Variants in ATXN7L3 observed in about 807,000 individuals in gnomAD.
ATXN7L3 encodes the protein ataxin-7-like protein 3.
ATXN7L3 carries 6 observed loss-of-function variants against 50.0 expected under a neutral mutation model. That is an observed-to-expected ratio of 0.12 (90% confidence interval 0.07 to 0.24). The LOEUF is 0.24. Among genes scored for constraint, ATXN7L3 ranks in the 10% least tolerant of loss-of-function variants. The pLI is 1.00. For synonymous variants in ATXN7L3, 198 were observed against 165.8 expected (o/e 1.19, Z -1.49); for missense variants, 322 against 451.3 (o/e 0.71, Z 2.60).
intron 9 of ATXN7L3, 136 bp from the exon 10 acceptor site, chr17:44,195,276 C>CT (rs2055841688): frequency 7.4e-7 from 1 of 1,344,020 alleles, no homozygotes; most frequent in Non-Finnish European, 1.1e-6. Flanking sequence ...TCCCAGGACA[C>CT]TATGGGCCGG....
At position 44,196,387 on chromosome 17, in the gene ATXN7L3, G is replaced by A. The variant is rs757825495; in HGVS notation, c.477+9C>T. The A allele has an allele frequency of 8.1e-6, 13 of 1,613,798 alleles. No individual in the cohort carries two copies. Among genetic ancestry groups the A allele is most frequent in the Admixed American group, 3.3e-5 (2 of 59,972 alleles). On this transcript the variant is annotated intron_variant, in intron 6 of 12. Coordinates refer to ENST00000587097, the MANE Select transcript of ATXN7L3 (RefSeq NM_001382309.1). Reference sequence around the variant, plus strand: ...CCATTATTTCCCCAATGCCTGGCCCGGCTCTCACCTTGTCTGACTTTCTCT... The same window carrying A: ...CCATTATTTCCCCAATGCCTGGCCCAGCTCTCACCTTGTCTGACTTTCTCT...
In ATXN7L3 at chr17:44,193,561, GC is replaced by G. The variant is rs1431550294; in HGVS notation, c.*701del. The G allele has an allele frequency of 6.6e-6, 1 of 152,448 alleles. No homozygotes were observed. The highest frequency in any genetic ancestry group is 1.5e-5 in the Non-Finnish European group (1 of 68,064). The allele number at this position is 152,448 out of a possible 1,614,324, so 9.4% of individuals were successfully genotyped here. On this transcript the variant is annotated 3_prime_UTR_variant, in exon 13 of 13. Coordinates refer to ENST00000587097, the MANE Select transcript of ATXN7L3 (RefSeq NM_001382309.1). ...TACCCTCCCTTTCCCATTCCTTGAA[GC>G]TGTAGAGGCTGGAGGCCCTTTCCTG...
chr17:44,194,773 G>A lies in ATXN7L3; in HGVS notation c.732C>T (p.Pro244=), dbSNP rs372309757. The A allele has an allele frequency of 3.1e-6, 5 of 1,614,158 alleles. No individual in the cohort carries two copies. Among genetic ancestry groups the A allele is most frequent in the Admixed American group, 3.3e-5 (2 of 60,018 alleles). Residue 244 remains proline (P), a synonymous_variant, in exon 11 of 13, where the codon CCC becomes CCT. Transcript: ENST00000587097. ...RRTVRIYFLG[P]SAVLPEVESS... is the part of the protein sequence containing the mutation. ...CTTCCTGTAGGGCCACTTACGCCGA[G>A]GGCCCGAGAAAATAAATCCGTACGG...
chr17:44,197,086 G>A (rs1158065236), intron 4 of ATXN7L3, 60 bp from the exon 5 acceptor site: 7 of 1,556,874 alleles, frequency 4.5e-6, no homozygotes, highest in Admixed American at 3.3e-5. Context: ...GGTCAAGGTG[G>A]TCACCCCGCT....
At position 44,195,480 on chromosome 17, in the gene ATXN7L3, T is replaced by C. The variant is rs771811837; in HGVS notation, c.560A>G (p.Asn187Ser). 57 of 1,613,768 alleles carry C rather than the reference T, an allele frequency of 3.5e-5. No individual in the cohort carries two copies. Among genetic ancestry groups the C allele is most frequent in the Middle Eastern group, 1.6e-4 (1 of 6,084 alleles). ...LSNSDPFKYN[N>S]STGISYETLG... ...GGTCTCATAGCTGATCCCAGTTGAA[T>C]TGTTATACTGCAGGACAACCAGAGG... The change falls in exon 9 of 13, where the codon AAT (asparagine) becomes AGT (serine). Residue 187 changes from asparagine to serine, a missense_variant. Transcript: ENST00000587097.
intron 10 of ATXN7L3, 25 bp downstream of exon 10, chr17:44,195,071 GC>G (rs776968649): frequency 6.8e-6 from 11 of 1,613,384 alleles, no homozygotes; most frequent in Non-Finnish European, 8.5e-6. Context: ...GAAGCGCCTG[GC>G]CCCCTTTCTA....
rs778422603 is a variant in ATXN7L3, at chr17:44,195,459, T to G, written c.581A>C (p.Glu194Ala). Reference protein sequence around the residue: ...KYNNSTGISYETLGPEELRSL... With the variant: ...KYNNSTGISYATLGPEELRSL... ...GCGAAGCTCCTCCGGCCCCAGGGTC[T>G]CATAGCTGATCCCAGTTGAATTGTT... is the stretch of plus-strand genomic sequence containing the variant. Residue 194 changes from glutamate (E) to alanine (A), a missense_variant, in exon 9 of 13, where the codon GAG (glutamate) becomes GCG (alanine). Coordinates refer to ENST00000587097, the MANE Select transcript of ATXN7L3 (RefSeq NM_001382309.1). 6.2e-7 allele frequency: 1 copy of G among 1,614,094 alleles called. No homozygotes were observed. Among genetic ancestry groups the G allele is most frequent in the South Asian group, 1.1e-5 (1 of 91,078 alleles).
chr17:44,196,799 A>C, intron 5 of ATXN7L3, 130 bp downstream of exon 5: 1 of 585,128 alleles, frequency 1.7e-6, no homozygotes, highest in Non-Finnish European at 3.0e-6. Context: ...AAAAAAAAAA[A>C]GGAAAAGGAA....
chr17:44,195,011 T>C (rs1023459138), intron 10 of ATXN7L3, 86 bp downstream of exon 10: 19 of 1,533,462 alleles, frequency 1.2e-5, no homozygotes, highest in Middle Eastern at 1.9e-4. Flanking sequence ...AGGAGCCCCA[T>C]TGCTCAAGTC....
Position 44,194,344 on chromosome 17 carries a change from G to C in ATXN7L3, c.963C>G (p.Ala321=). The part of the protein sequence containing the change: ...KKSHLSLVGT[A]SGLGSNKKKK... ...TCTTCTTGTTGGAACCTAGGCCGGA[G>C]GCAGTCCCTACCAGGCTCAGATGGG... Residue 321 remains alanine, a synonymous_variant, in exon 13 of 13, where the codon GCC becomes GCG. Coordinates refer to ENST00000587097, the MANE Select transcript of ATXN7L3 (RefSeq NM_001382309.1). 1.2e-6 allele frequency: 2 copies of C among 1,614,216 alleles called. No individual in the cohort carries two copies. Among genetic ancestry groups the C allele is most frequent in the Non-Finnish European group, 1.7e-6 (2 of 1,180,042 alleles).
chr17:44,194,951 C>T (rs1329287533), intron 10 of ATXN7L3, 112 bp from the exon 11 acceptor site: 5 of 1,491,892 alleles, frequency 3.4e-6, no homozygotes, highest in Non-Finnish European at 4.6e-6. Context: ...CAGATTCATC[C>T]CCAGATTGTG....
chr17:44,198,440 G>C (rs777818520), intron 1 of ATXN7L3: 6 of 223,990 alleles, frequency 2.7e-5, no homozygotes, highest in Admixed American at 5.5e-5. Context: ...AATGCAGCAG[G>C]GGGAGGAGAA....
chr17:44,197,728 G>T lies in ATXN7L3; in HGVS notation c.54C>A (p.Ala18=), dbSNP rs1223345422. Residue 18 remains alanine (A), a splice_region_variant and synonymous_variant, in exon 3 of 13, where the codon GCC becomes GCA. Coordinates refer to ENST00000587097, the MANE Select transcript of ATXN7L3 (RefSeq NM_001382309.1). ...LSGLDNSKLE[A]IAQEIYADLV... is the part of the protein sequence containing the mutation. ...GGTCCGCGTATATCTCCTGAGCGAT[G>T]GCCTGGGCCCCAGGGGAGAACATCT... 1 of 1,614,266 alleles carries T rather than the reference G, an allele frequency of 6.2e-7. No individual in the cohort carries two copies. Among genetic ancestry groups the T allele is most frequent in the Non-Finnish European group, 8.5e-7 (1 of 1,180,054 alleles).
At chr17:44,194,495 A>G in intron 12 of ATXN7L3, 22 bp downstream of exon 12, 1 of 1,613,000 alleles carries the variant, frequency 6.2e-7, no homozygotes, top group Non-Finnish European at 8.5e-7. Flanking sequence ...CAGAGCCCCT[A>G]GGGCCCAACT....
Position 44,194,542 on chromosome 17 carries a change from C to A in ATXN7L3, c.870G>T (p.Thr290=), listed in dbSNP as rs1232750503. 1 of 1,613,702 alleles carries A rather than the reference C, an allele frequency of 6.2e-7. No homozygotes were observed. Among genetic ancestry groups the A allele is most frequent in the East Asian group, 2.2e-5 (1 of 44,878 alleles). ...CTAGACCCCATCCCTGATTTTCACT[C>A]GTCTTGGAGGAGCCTGAATCAGAGG... The part of the protein sequence containing the change: ...LSPSDSGSSK[T]SENQGWGLGT... The change falls in exon 12 of 13, where the codon ACG becomes ACT. Residue 290 remains threonine, a synonymous_variant. Coordinates refer to ENST00000587097, the MANE Select transcript of ATXN7L3 (RefSeq NM_001382309.1).
At chr17:44,196,709 C>T (rs777762537) in intron 5 of ATXN7L3, among the ~76,000 whole-genome samples, 16 of 128,082 alleles carry the variant, frequency 1.2e-4, no homozygotes, top group East Asian at 2.5e-4. Flanking sequence ...ACCCGGGAGA[C>T]GGAGGTTGCA....
At chr17:44,198,511 A>C (rs1198015675) in intron 1 of ATXN7L3, 1 of 164,578 alleles carries the variant, frequency 6.1e-6, no homozygotes, top group Non-Finnish European at 1.3e-5. Context: ...CAGACTCCTA[A>C]ATACACCCCC....
Position 44,195,959 on chromosome 17 carries a change from C to T in ATXN7L3, c.523+75G>A. ...CTCCCTCAATTCCCCTATCCCCGGG[C>T]CCCACCTCCACCCCCCGGCAATGAG... On this transcript the variant is annotated intron_variant, in intron 7 of 12. Coordinates refer to ENST00000587097, the MANE Select transcript of ATXN7L3 (RefSeq NM_001382309.1). 1.9e-6 allele frequency: 3 copies of T among 1,568,492 alleles called. No individual in the cohort carries two copies. The Admixed American group carries it at 5.1e-5, about 27-fold the overall frequency.
rs901249393 is a variant in ATXN7L3, at chr17:44,194,013, G to A, written c.*250C>T. The A allele has an allele frequency of 2.0e-5, 10 of 494,894 alleles. No homozygotes were observed. The highest frequency in any genetic ancestry group is 2.5e-5 in the Non-Finnish European group (7 of 280,448). The allele number at this position is 494,894 out of a possible 1,614,324, so 30.7% of individuals were successfully genotyped here. ...AACTCACAGAATAAATAGGAAAACC[G>A]CCTCCCCACCAAACTTATGTCCAAG... On this transcript the variant is annotated 3_prime_UTR_variant, in exon 13 of 13. Coordinates refer to ENST00000587097, the MANE Select transcript of ATXN7L3 (RefSeq NM_001382309.1).
Sources: allele counts gnomAD v4.1 joint callset (sites outside exome capture counted in the v4.1 genomes callset), GRCh38; gene constraint gnomAD v4.1.1; transcripts MANE v1.5; gene names NCBI Gene and HGNC (gene_info 2026-07-23, HGNC 2026-07-21).